Variants in PGM5 observed in about 807,000 individuals in gnomAD.
The protein encoded by PGM5 is phosphoglucomutase-like protein 5.
In PGM5, 23 loss-of-function variants were observed where a neutral mutation model predicts 59.2. That is an observed-to-expected ratio of 0.39 (90% CI 0.28 to 0.55). The LOEUF (loss-of-function observed/expected upper bound fraction) is 0.55, where lower values mean the gene tolerates loss of function less well. PGM5 is among the 20% of genes least tolerant of loss of function. PGM5 has a pLI of 0.66. For missense variants in PGM5, 574 were observed against 748.3 expected (o/e 0.77, Z 2.72); for synonymous variants, 214 against 286.0 (o/e 0.75, Z 2.54).
At chr9:68,458,332 C>A (rs1554685102) in intron 6 of PGM5, among the ~76,000 whole-genome samples, 1 of 152,150 alleles carries the variant, frequency 6.6e-6, no homozygotes, top group Non-Finnish European at 1.5e-5. Context: ...TGACACCTAC[C>A]TAAAATGAAA....
intron 6 of PGM5, among the ~76,000 whole-genome samples, chr9:68,449,696 G>C (rs1823665559): frequency 6.6e-6 from 1 of 152,236 alleles, no homozygotes; most frequent in Non-Finnish European, 1.5e-5. Context: ...CCCAAAGCTA[G>C]TGAAAGGTGG....
rs979390745 is a variant in PGM5 at position 68,463,808 on chromosome 9, A to G, written c.1044-1285A>G. 9.8e-5 allele frequency among the ~76,000 whole-genome samples: 15 copies of G among 152,318 alleles called. 2 individuals are homozygous for G. In the Middle Eastern group the frequency reaches 0.017, roughly 173 times the overall value. ...GTCAAAAATGCATTTAATGCTGGCA[A>G]TACAGCAGACAGTCTCTGACATATG... On this transcript the variant is annotated intron_variant, in intron 6 of 10. Coordinates refer to ENST00000396396, the MANE Select transcript of PGM5 (RefSeq NM_021965.4).
intron 6 of PGM5, among the ~76,000 whole-genome samples, chr9:68,445,065 A>G (rs1259906594): frequency 1.3e-5 from 2 of 152,116 alleles, no homozygotes; most frequent in Non-Finnish European, 2.9e-5. Context: ...CTTAAGAAAT[A>G]TATACTTTGG....
chr9:68,453,695 C>T (rs1395379382), intron 6 of PGM5, among the ~76,000 whole-genome samples: 3 of 152,146 alleles, frequency 2.0e-5, no homozygotes, highest in Non-Finnish European at 4.4e-5. Context: ...ATTTTAAGAC[C>T]AAGTTCTGGA....
chr9:68,528,279 T>C (rs993731787), intron 10 of PGM5, among the ~76,000 whole-genome samples: 1 of 152,190 alleles, frequency 6.6e-6, no homozygotes, highest in African/African-American at 2.4e-5. Flanking sequence ...GGGTCTCACT[T>C]TGTCACCCAG....
At chr9:68,498,887 C>A in intron 9 of PGM5, 1 of 250,664 alleles carries the variant, frequency 4.0e-6, no homozygotes. Flanking sequence ...AAACTTTGGC[C>A]CTAGGAATAT....
intron 10 of PGM5, among the ~76,000 whole-genome samples, chr9:68,524,220 CGTA>C (rs1046782448): frequency 3.3e-5 from 5 of 151,990 alleles, no homozygotes; most frequent in African/African-American, 1.2e-4. Context: ...AGATAAATAT[CGTA>C]GTGCAATTTT....
At chr9:68,365,971 C>T (rs2770889) in intron 1 of PGM5, among the ~76,000 whole-genome samples, 3 of 151,960 alleles carry the variant, frequency 2.0e-5, no homozygotes, top group East Asian at 3.9e-4. Flanking sequence ...AACACATGAA[C>T]AGGTGGCCAA....
At chr9:68,371,736 A>T (rs376712) in intron 1 of PGM5, 1 of 151,822 alleles carries the variant, frequency 6.6e-6, no homozygotes, top group Non-Finnish European at 1.5e-5. Flanking sequence ...GGCTTTCAAA[A>T]GTTATATTTC....
chr9:68,426,761 G>A (rs1323736680), intron 6 of PGM5: 1 of 150,706 alleles, frequency 6.6e-6, no homozygotes, highest in Non-Finnish European at 1.5e-5. Context: ...TTCCTAGAAA[G>A]TCACAGAGCA....
At chr9:68,456,571 G>C (rs1823781512) in intron 6 of PGM5, among the ~76,000 whole-genome samples, 1 of 149,414 alleles carries the variant, frequency 6.7e-6, no homozygotes, top group Non-Finnish European at 1.5e-5. Flanking sequence ...CGCCCGCCTT[G>C]GCCTCCCAAA....
intron 2 of PGM5, among the ~76,000 whole-genome samples, chr9:68,381,909 C>T (rs530269398): frequency 2.5e-4 from 38 of 152,068 alleles, no homozygotes; most frequent in African/African-American, 7.7e-4. Context: ...ATCCTGTGCT[C>T]ACTGATCATG....
intron 10 of PGM5, among the ~76,000 whole-genome samples, chr9:68,500,694 G>A (rs1824559154): frequency 6.6e-6 from 1 of 152,188 alleles, no homozygotes; most frequent in Admixed American, 6.5e-5. Context: ...TCATGTTGGG[G>A]AGGGAGATTA....
intron 6 of PGM5, among the ~76,000 whole-genome samples, chr9:68,413,996 A>T (rs1351658063): frequency 6.6e-6 from 1 of 152,156 alleles, no homozygotes; most frequent in Non-Finnish European, 1.5e-5. Flanking sequence ...ATGAGGACAG[A>T]TCCCTCATGA....
chr9:68,485,159 T>C, intron 9 of PGM5, among the ~76,000 whole-genome samples: 1 of 152,208 alleles, frequency 6.6e-6, no homozygotes, highest in East Asian at 1.9e-4. Flanking sequence ...TCTTCCTCAG[T>C]GTACTCAGTG....
intron 7 of PGM5, among the ~76,000 whole-genome samples, chr9:68,473,495 C>T (rs1824054905): frequency 6.6e-6 from 1 of 152,126 alleles, no homozygotes; most frequent in African/African-American, 2.4e-5. Context: ...AGCTGTGTGG[C>T]CTCATACAGA....
At chr9:68,513,325 A>T (rs1824780432) in intron 10 of PGM5, among the ~76,000 whole-genome samples, 1 of 152,222 alleles carries the variant, frequency 6.6e-6, no homozygotes, top group African/African-American at 2.4e-5. Flanking sequence ...GTATTCATGA[A>T]ATCAAATTCC....
chr9:68,388,742 C>G (rs1329229527), intron 4 of PGM5, among the ~76,000 whole-genome samples: 1 of 152,144 alleles, frequency 6.6e-6, no homozygotes, highest in Non-Finnish European at 1.5e-5. Flanking sequence ...GGGCATTGCT[C>G]TACTGTGTTA....
rs560369749 is a variant in PGM5, at chr9:68,379,105, A to G, written c.424+744A>G. ...CACATTGCTGCATGACTGTGCTAAC[A>G]TACCTAACAATAATAACATTAATTC... On this transcript the variant is annotated intron_variant, in intron 2 of 10. Coordinates refer to ENST00000396396, the MANE Select transcript of PGM5 (RefSeq NM_021965.4). Among the ~76,000 whole-genome samples the G allele has an allele frequency of 1.1e-4, 16 of 152,322 alleles. No homozygotes were observed. The East Asian group carries it at 2.7e-3, about 26-fold the overall frequency.
Sources: allele counts gnomAD v4.1 joint callset (sites outside exome capture counted in the v4.1 genomes callset), GRCh38; gene constraint gnomAD v4.1.1; transcripts MANE v1.5; gene names NCBI Gene and HGNC (gene_info 2026-07-23, HGNC 2026-07-21).